The following PCF11 variants were observed in gnomAD, a reference collection of about 807,000 sequenced individuals.
PCF11 encodes PCF11 cleavage and polyadenylation factor subunit.
Under a neutral mutation model 166.1 loss-of-function variants are expected in PCF11, and 19 were observed. The ratio of observed to expected loss-of-function variants is 0.11; its 90% CI spans 0.08 to 0.17. The LOEUF (loss-of-function observed/expected upper bound fraction) is 0.17, where lower values mean the gene tolerates loss of function less well. PCF11 is among the 10% of genes least tolerant of loss of function. PCF11 has a pLI of 1.00. For missense variants in PCF11, 1,565 were observed against 1,855.5 expected (o/e 0.84, Z 2.88); for synonymous variants, 663 against 644.1 (o/e 1.03, Z -0.44).
chr11:83,168,184 TAAAAG>T (rs1029732537), intron 7 of PCF11, among the ~76,000 whole-genome samples: 6 of 152,116 alleles, frequency 3.9e-5, no homozygotes, highest in African/African-American at 1.2e-4. Context: ...AGATAGGAAA[TAAAAG>T]AGAGGTTAAA....
At chr11:83,182,417 G>A in exon 14 of PCF11, 1 of 1,564,218 alleles carries the variant, frequency 6.4e-7, no homozygotes, top group South Asian at 1.1e-5. Context: ...AATCTGTCAA[G>A]AACAATTTGA....
At chr11:83,164,160 C>T (rs185771830) in intron 3 of PCF11, 47 bp from the exon 4 acceptor site, 32 of 1,363,892 alleles carry the variant, frequency 2.3e-5, no homozygotes, top group East Asian at 7.0e-5. Context: ...CCCTAGCTTC[C>T]GTTTTAGCTG....
Position 83,157,429 on chromosome 11 carries a change from G to A in PCF11, c.-11G>A. ...CAGCTGCAGCGGACCTCGGAGGGGG[G>A]CCGCGGCGCAATGTCAGAGCAGACG... On this transcript the variant is annotated 5_prime_UTR_variant, in exon 1 of 16. Transcript: ENST00000298281. 5 of 1,604,402 alleles carry A rather than the reference G, an allele frequency of 3.1e-6. No homozygotes were observed. The South Asian group carries it at 4.4e-5, about 14-fold the overall frequency.
At chr11:83,159,248 A>G (rs912430833) in intron 1 of PCF11, among the ~76,000 whole-genome samples, 5 of 152,190 alleles carry the variant, frequency 3.3e-5, no homozygotes, top group African/African-American at 1.2e-4. Context: ...GTCATACTCA[A>G]CATGCTTTTT....
In PCF11 at chr11:83,169,981, C is replaced by A. The variant is rs764571215; in HGVS notation, c.3646C>A (p.Gln1216Lys). Residue 1216 changes from glutamine (Q) to lysine (K), a missense_variant, in exon 8 of 16, where the codon CAG becomes AAG. Around this residue, in one of 12 missense-constraint regions of PCF11, gnomAD observed 725 missense variants for 749.3 expected, o/e 0.97. Transcript: ENST00000298281. ...TGCTCCAATGACAGTAGGAAATATT[C>A]AGGCATCTCAACAGGTAAGTCTGTT... 25 of 1,588,266 alleles carry A rather than the reference C, an allele frequency of 1.6e-5. No individual in the cohort carries two copies. The highest frequency in any genetic ancestry group is 2.0e-5 in the Non-Finnish European group (24 of 1,171,446).
At chr11:83,184,824 C>G in exon 16 of PCF11, 1 of 1,598,928 alleles carries the variant, frequency 6.3e-7, no homozygotes, top group Non-Finnish European at 8.5e-7. Flanking sequence ...ACACCACCAG[C>G]TTGTACAGAG....
intron 7 of PCF11, 107 bp from the exon 8 acceptor site, chr11:83,168,321 T>C: frequency 1.9e-6 from 2 of 1,079,552 alleles, no homozygotes; most frequent in African/African-American, 1.6e-5. Flanking sequence ...CGGTCTCTCC[T>C]GCCCCTCTAA....
At chr11:83,177,878 G>A in intron 11 of PCF11, 59 bp downstream of exon 11, 1 of 669,272 alleles carries the variant, frequency 1.5e-6, no homozygotes, top group South Asian at 2.3e-5. Flanking sequence ...CACTGTTATA[G>A]TGGACATTGT....
intron 1 of PCF11, 200 bp downstream of exon 1, chr11:83,157,831 G>C (rs1860054445): frequency 1.7e-6 from 1 of 594,072 alleles, no homozygotes; most frequent in Non-Finnish European, 3.0e-6. Flanking sequence ...GGAGGATAAA[G>C]GGTGGAGTCC....
At chr11:83,163,811 C>A in exon 3 of PCF11, 1 of 1,587,990 alleles carries the variant, frequency 6.3e-7, no homozygotes, top group Admixed American at 1.8e-5. Flanking sequence ...TAAACCTCTA[C>A]CCCCCAATGT....
chr11:83,176,041 G>A (rs1002871054), intron 9 of PCF11, among the ~76,000 whole-genome samples: 50 of 152,162 alleles, frequency 3.3e-4, no homozygotes, highest in Admixed American at 3.3e-3. Flanking sequence ...TGTTACGTCA[G>A]GGAGCATTGA....
intron 8 of PCF11, 24 bp from the exon 9 acceptor site, chr11:83,171,794 T>C: frequency 8.0e-7 from 1 of 1,253,358 alleles, no homozygotes; most frequent in Non-Finnish European, 1.2e-6. Flanking sequence ...AAGCATGTTC[T>C]TAAAATTAAG....
chr11:83,182,355 T>C, intron 13 of PCF11, 44 bp from the exon 14 acceptor site: 1 of 985,484 alleles, frequency 1.0e-6, no homozygotes, highest in Non-Finnish European at 1.6e-6. Context: ...TGGGGTTAAA[T>C]ATGGTCTATT....
intron 4 of PCF11, 66 bp from the exon 5 acceptor site, chr11:83,165,534 G>T (rs1262822290): frequency 4.8e-6 from 6 of 1,247,958 alleles, no homozygotes; most frequent in Middle Eastern, 2.0e-4. Context: ...TTCTTCAGTT[G>T]TTTGCAATTT....
chr11:83,175,713 C>T (rs1860855256), intron 9 of PCF11, among the ~76,000 whole-genome samples: 1 of 152,062 alleles, frequency 6.6e-6, no homozygotes, highest in Non-Finnish European at 1.5e-5. Flanking sequence ...GAGATCGTGC[C>T]CCTGCACTCC....
chr11:83,178,924 A>G (rs1002203089), intron 11 of PCF11, among the ~76,000 whole-genome samples: 1 of 152,156 alleles, frequency 6.6e-6, no homozygotes, highest in South Asian at 2.1e-4. Flanking sequence ...TATGGATAAC[A>G]ACTGTTAACA....
chr11:83,174,007 G>A (rs1430610311), intron 9 of PCF11, among the ~76,000 whole-genome samples: 1 of 152,064 alleles, frequency 6.6e-6, no homozygotes, highest in Non-Finnish European at 1.5e-5. Context: ...GGGACTACAG[G>A]TATGAGCCAC....
chr11:83,159,705 AGG>A (rs1860154372), intron 1 of PCF11, among the ~76,000 whole-genome samples: 1 of 152,084 alleles, frequency 6.6e-6, no homozygotes, highest in Non-Finnish European at 1.5e-5. Flanking sequence ...ATCGAGGGTG[AGG>A]GGAGGGATTT....
chr11:83,185,433 G>A (rs1366791164), exon 16 of PCF11: 1 of 148,780 alleles, frequency 6.7e-6, no homozygotes, highest in Non-Finnish European at 1.5e-5. Flanking sequence ...AGATAAAATA[G>A]GACATATTTT....
Sources: gnomAD v4.1 joint callset for allele counts (sites outside exome capture counted in the v4.1 genomes callset) on GRCh38, gnomAD v4.1.1 for gene constraint, gnomAD v4.1.1 regional missense constraint, MANE v1.5 for transcripts, NCBI Gene and HGNC (gene_info 2026-07-23, HGNC 2026-07-21) for gene names.